The following SNTB1 variants were observed in gnomAD, a reference collection of about 807,000 sequenced individuals.
The protein encoded by SNTB1 is syntrophin beta 1.
Under a neutral mutation model 48.9 loss-of-function variants are expected in SNTB1, and 36 were observed. The observed-to-expected ratio is 0.74, with a 90% CI of 0.56 to 0.97. The LOEUF (loss-of-function observed/expected upper bound fraction) is 0.97. Among genes scored for constraint, SNTB1 ranks in the 50% least tolerant of loss-of-function variants. The probability of loss-of-function intolerance (pLI) is 0.00; values close to 1 mark genes in which losing one functional copy is unlikely to be tolerated. For synonymous variants in SNTB1, 299 were observed against 294.6 expected, an observed-to-expected ratio of 1.01 and a Z score of -0.15; for missense variants, 786 against 703.4, an observed-to-expected ratio of 1.12 and a Z score of -1.33.
chr8:120,785,523 A>G (rs1374452380), intron 1 of SNTB1, among the ~76,000 whole-genome samples: 1 of 152,182 alleles, frequency 6.6e-6, no homozygotes, highest in African/African-American at 2.4e-5. Flanking sequence ...CCTCACTGGA[A>G]CATTACTGCA....
chr8:120,539,649 G>A (rs1031850323), intron 6 of SNTB1, among the ~76,000 whole-genome samples: 32 of 152,210 alleles, frequency 2.1e-4, no homozygotes, highest in Admixed American at 2.0e-3. Flanking sequence ...TCCTTCAGAA[G>A]TTGAATTTTA....
At chr8:120,642,154 G>A (rs1817206163) in intron 2 of SNTB1, among the ~76,000 whole-genome samples, 1 of 152,214 alleles carries the variant, frequency 6.6e-6, no homozygotes, top group Admixed American at 6.5e-5. Context: ...AAAGGACTGA[G>A]CTTAGTTGTT....
chr8:120,747,693 A>G (rs1464364597), intron 1 of SNTB1, among the ~76,000 whole-genome samples: 2 of 152,166 alleles, frequency 1.3e-5, no homozygotes, highest in Non-Finnish European at 2.9e-5. Context: ...AGTGGGAGGA[A>G]GGAGAGGATC....
At chr8:120,561,415 TC>T (rs149145795) in intron 4 of SNTB1, among the ~76,000 whole-genome samples, 1 of 151,444 alleles carries the variant, frequency 6.6e-6, no homozygotes, top group Non-Finnish European at 1.5e-5. Context: ...GTTTAATTTA[TC>T]CCTGTGCTGC....
intron 2 of SNTB1, among the ~76,000 whole-genome samples, chr8:120,652,815 T>C (rs969285471): frequency 1.3e-5 from 2 of 152,202 alleles, no homozygotes; most frequent in Non-Finnish European, 2.9e-5. Context: ...TTTTAAGACT[T>C]TCTGTTGACT....
intron 2 of SNTB1, among the ~76,000 whole-genome samples, chr8:120,692,933 T>C (rs7005038): frequency 0.11 from 16,838 of 152,156 alleles, 1,937 homozygotes; most frequent in African/African-American, 0.29. Context: ...GGCTAGGTAA[T>C]TTAAGGAAAG....
At chr8:120,788,780 G>T (rs1267560718) in intron 1 of SNTB1, among the ~76,000 whole-genome samples, 2 of 151,976 alleles carry the variant, frequency 1.3e-5, no homozygotes, top group Non-Finnish European at 2.9e-5. Context: ...ATAGTCAGCA[G>T]CACAATAATA....
At chr8:120,628,236 C>A (rs562023584) in intron 3 of SNTB1, among the ~76,000 whole-genome samples, 1 of 152,260 alleles carries the variant, frequency 6.6e-6, no homozygotes, top group Admixed American at 6.5e-5. Flanking sequence ...TATAACTCAA[C>A]AATTCTGCTG....
In SNTB1 at chr8:120,629,553, G is replaced by T. The variant is rs190833367; in HGVS notation, c.996+2891C>A. Among the ~76,000 whole-genome samples, 28 of 152,252 alleles carry T rather than the reference G, an allele frequency of 1.8e-4. No homozygotes were observed. In the East Asian group the frequency reaches 5.0e-3, roughly 27 times the overall value. ...AATACCAAGCAAATTCATGATATTTGTGATACTATAAGAAAGGCATCGTAT... is the reference window on the plus strand; with the variant it reads ...AATACCAAGCAAATTCATGATATTTTTGATACTATAAGAAAGGCATCGTAT... On this transcript the variant is annotated intron_variant, in intron 3 of 6. Coordinates refer to ENST00000517992, the MANE Select transcript of SNTB1 (RefSeq NM_021021.4).
Position 120,704,389 on chromosome 8 carries a change from G to A in SNTB1, c.572-10481C>T, listed in dbSNP as rs374585950. 2.3e-3 allele frequency among the ~76,000 whole-genome samples: 347 copies of A among 152,150 alleles called. 2 individuals carry two copies. Among genetic ancestry groups the A allele is most frequent in the African/African-American group, 8.0e-3 (331 of 41,502 alleles). On this transcript the variant is annotated intron_variant, in intron 1 of 6. Transcript: ENST00000517992. ...GAGGATCACTTGAGCTCAGTAAGTT[G>A]AGGCTGCAGTGAGCTATGATCATGC...
chr8:120,563,969 A>C (rs1387791015), intron 4 of SNTB1, among the ~76,000 whole-genome samples: 1 of 152,146 alleles, frequency 6.6e-6, no homozygotes, highest in South Asian at 2.1e-4. Context: ...TTAGCCAGGC[A>C]TGGAGGCTTA....
At chr8:120,649,237 G>T (rs1411309590) in intron 2 of SNTB1, among the ~76,000 whole-genome samples, 1 of 151,784 alleles carries the variant, frequency 6.6e-6, no homozygotes, top group East Asian at 1.9e-4. Context: ...GAGGAGGAGA[G>T]GCGCTCTGCT....
rs145490325 is a variant in SNTB1 at position 120,668,391 on chromosome 8, A to G, written c.788+25301T>C. On this transcript the variant is annotated intron_variant, in intron 2 of 6. Coordinates refer to ENST00000517992, the MANE Select transcript of SNTB1 (RefSeq NM_021021.4). ...GGGTAAATATAGTTCCCGTTACTCC[A>G]TCTTGGTCACAGTGGAAGTCTTCTA... is the stretch of plus-strand genomic sequence containing the variant. Among the ~76,000 whole-genome samples the G allele has an allele frequency of 5.1e-3, 783 of 152,326 alleles. 6 individuals are homozygous for G. The highest frequency in any genetic ancestry group is 0.018 in the African/African-American group (731 of 41,574).
chr8:120,701,274 G>C (rs900174999), intron 1 of SNTB1, among the ~76,000 whole-genome samples: 1 of 152,162 alleles, frequency 6.6e-6, no homozygotes, highest in Admixed American at 6.5e-5. Flanking sequence ...GCAGAGGAAG[G>C]AGAATTGGCC....
chr8:120,700,416 C>A (rs530644632), intron 1 of SNTB1, among the ~76,000 whole-genome samples: 1 of 152,250 alleles, frequency 6.6e-6, no homozygotes, highest in South Asian at 2.1e-4. Flanking sequence ...TGCTTACCGG[C>A]AGTAATTTCA....
chr8:120,774,052 G>T (rs2130109054), intron 1 of SNTB1, among the ~76,000 whole-genome samples: 1 of 152,332 alleles, frequency 6.6e-6, no homozygotes, highest in Non-Finnish European at 1.5e-5. Context: ...ATTCAGAGTG[G>T]AACAGGTTCT....
chr8:120,710,198 A>G (rs911747279), intron 1 of SNTB1, among the ~76,000 whole-genome samples: 2 of 152,174 alleles, frequency 1.3e-5, no homozygotes, highest in African/African-American at 4.8e-5. Context: ...CTATTCTAAA[A>G]CACTATCTAT....
rs531214810 is a variant in SNTB1, at chr8:120,769,260, T to C, written c.571+42013A>G. The C allele has an allele frequency of 7.9e-5, 12 of 152,200 alleles. No homozygotes were observed. The South Asian group carries it at 2.5e-3, about 32-fold the overall frequency. 9.4% of individuals were successfully genotyped at this position (152,200 alleles called of 1,614,324 possible). ...ATTTTGATCATCATTTGGCAATAGT[T>C]CCTTATATCCTTTTTTCAAGCAGAT... On this transcript the variant is annotated intron_variant, in intron 1 of 6. Coordinates refer to ENST00000517992, the MANE Select transcript of SNTB1 (RefSeq NM_021021.4).
chr8:120,791,908 A>C (rs1820042377), intron 1 of SNTB1, among the ~76,000 whole-genome samples: 1 of 151,814 alleles, frequency 6.6e-6, no homozygotes, highest in Admixed American at 6.6e-5. Context: ...ATTTCTCAAA[A>C]TAGATCTACC....
Sources: allele counts gnomAD v4.1 joint callset (sites outside exome capture counted in the v4.1 genomes callset), GRCh38; gene constraint gnomAD v4.1.1; transcripts MANE v1.5; gene names NCBI Gene and HGNC (gene_info 2026-07-23, HGNC 2026-07-21).